The following BRD10 variants were observed in gnomAD, a reference collection of about 807,000 sequenced individuals.
BRD10 encodes the protein uncharacterized bromodomain-containing protein 10.
At chr9:5,920,689 T>C in the BRD10 span, 2 of 1,613,886 alleles carry the variant, frequency 1.2e-6, no homozygotes, top group Admixed American at 3.3e-5. Flanking sequence ...GTGTGGCTCC[T>C]GGTACTGCTG....
the BRD10 span, among the ~76,000 whole-genome samples, chr9:5,980,682 T>G: frequency 3.9e-3 from 585 of 151,716 alleles, 3 homozygotes; most frequent in Middle Eastern, 6.8e-3. Context: ...TATATGTATA[T>G]AGAGAGAGAG....
the BRD10 span, among the ~76,000 whole-genome samples, chr9:5,887,653 T>C: frequency 6.6e-6 from 1 of 152,214 alleles, no homozygotes; most frequent in Non-Finnish European, 1.5e-5. Flanking sequence ...GGCATAACCC[T>C]GAAATTCAGG....
the BRD10 span, among the ~76,000 whole-genome samples, chr9:5,934,351 C>T: frequency 0.95 from 141,043 of 147,786 alleles, 67,592 homozygotes; most frequent in Non-Finnish European, 0.99. Flanking sequence ...CAATATATTA[C>T]GCTTTTCTTT....
the BRD10 span, among the ~76,000 whole-genome samples, chr9:5,904,661 C>T: frequency 6.6e-6 from 1 of 152,090 alleles, no homozygotes; most frequent in East Asian, 1.9e-4. Flanking sequence ...TTAGTAGAGA[C>T]GGGGTTTCAT....
chr9:5,907,641 G>A, the BRD10 span, among the ~76,000 whole-genome samples: 1 of 152,074 alleles, frequency 6.6e-6, no homozygotes, highest in Admixed American at 6.6e-5. Context: ...TCTTTTAAAT[G>A]TAGCTACTAG....
chr9:5,933,222 A>C, the BRD10 span, among the ~76,000 whole-genome samples: 1 of 152,248 alleles, frequency 6.6e-6, no homozygotes, highest in African/African-American at 2.4e-5. Flanking sequence ...CACAGGGATA[A>C]ATTAACTGTT....
At chr9:5,993,536 G>C in the BRD10 span, among the ~76,000 whole-genome samples, 1 of 152,152 alleles carries the variant, frequency 6.6e-6, no homozygotes, top group Non-Finnish European at 1.5e-5. Context: ...TCCAGTGCTA[G>C]CCACAGCAGA....
At chr9:5,886,627 C>T in the BRD10 span, among the ~76,000 whole-genome samples, 1 of 152,094 alleles carries the variant, frequency 6.6e-6, no homozygotes, top group African/African-American at 2.4e-5. Flanking sequence ...GACTAGATTG[C>T]CAGGGGAGAA....
the BRD10 span, among the ~76,000 whole-genome samples, chr9:5,979,584 C>T: frequency 3.3e-5 from 5 of 151,994 alleles, no homozygotes; most frequent in African/African-American, 1.2e-4. Context: ...GAACAATGAA[C>T]AGATCTAGTA....
the BRD10 span, among the ~76,000 whole-genome samples, chr9:5,942,224 G>T: frequency 6.6e-6 from 1 of 151,196 alleles, no homozygotes; most frequent in African/African-American, 2.5e-5. Flanking sequence ...TAACAATATT[G>T]TTATTCATAA....
the BRD10 span, among the ~76,000 whole-genome samples, chr9:5,898,453 C>G: frequency 6.6e-6 from 1 of 152,216 alleles, no homozygotes; most frequent in Non-Finnish European, 1.5e-5. Flanking sequence ...TTAATCACCT[C>G]TTAAAAGTCC....
the BRD10 span, chr9:5,921,912 C>A: frequency 6.2e-7 from 1 of 1,613,872 alleles, no homozygotes; most frequent in Middle Eastern, 1.7e-4. Context: ...ATGGATGGGG[C>A]AAAGCTAGCT....
At chr9:5,894,714 G>A in the BRD10 span, among the ~76,000 whole-genome samples, 2 of 152,182 alleles carry the variant, frequency 1.3e-5, no homozygotes, top group Admixed American at 6.5e-5. This position sits in a 1 kb window ranked among gnomAD's most constrained non-coding sequence, Gnocchi z 4.0. Context: ...ATCCTGACAG[G>A]AGCCAGAAGC....
At chr9:5,981,630 A>G in the BRD10 span, among the ~76,000 whole-genome samples, 1 of 151,478 alleles carries the variant, frequency 6.6e-6, no homozygotes, top group African/African-American at 2.4e-5. Flanking sequence ...TCTTCTATCT[A>G]TCTATCTATC....
chr9:5,892,688 G>A, the BRD10 span: 10 of 664,848 alleles, frequency 1.5e-5, no homozygotes, highest in African/African-American at 1.3e-4. Context: ...CTGGCAACAA[G>A]GGGAGGAGAT....
the BRD10 span, among the ~76,000 whole-genome samples, chr9:5,998,042 G>C: frequency 6.6e-6 from 1 of 152,150 alleles, no homozygotes. Flanking sequence ...AATGAAAAAT[G>C]CTATTTTTTT....
chr9:5,914,409 GGTTTTTTTTTT>G, the BRD10 span, among the ~76,000 whole-genome samples: 4 of 106,924 alleles, frequency 3.7e-5, no homozygotes, highest in South Asian at 3.3e-4. Flanking sequence ...AAATCCAGAT[GGTTTTTTTTTT>G]TTTTTTTTTT....
At chr9:5,950,568 T>C in the BRD10 span, among the ~76,000 whole-genome samples, 1 of 152,212 alleles carries the variant, frequency 6.6e-6, no homozygotes, top group Admixed American at 6.5e-5. Flanking sequence ...TCAAGGTCTT[T>C]TGGAGGATGA....
At chr9:5,899,828 C>A in the BRD10 span, among the ~76,000 whole-genome samples, 1 of 152,196 alleles carries the variant, frequency 6.6e-6, no homozygotes, top group Non-Finnish European at 1.5e-5. Flanking sequence ...ACATGGTAGT[C>A]ACTCAATTGT....
Sources: allele counts gnomAD v4.1 joint callset (sites outside exome capture counted in the v4.1 genomes callset), GRCh38; gene constraint gnomAD v4.1.1; non-coding constraint Gnocchi (gnomAD v3.1); transcripts MANE v1.5; gene names NCBI Gene and HGNC (gene_info 2026-07-23, HGNC 2026-07-21).